Variants in TAFA1 observed in about 807,000 individuals in gnomAD.
TAFA1 encodes chemokine-like protein TAFA-1.
Under a neutral mutation model 18.5 loss-of-function variants are expected in TAFA1, and 4 were observed. The observed-to-expected ratio is 0.22, with a 90% CI of 0.11 to 0.49. The LOEUF is 0.49. Ranked by LOEUF, TAFA1 falls within the 20% of genes least tolerant of loss-of-function variation. The pLI, the probability that TAFA1 is intolerant of heterozygous loss-of-function variation, is 0.98. For missense variants in TAFA1, 147 were observed against 169.0 expected (o/e 0.87, Z 0.72); for synonymous variants, 56 against 55.2 (o/e 1.01, Z -0.06).
intron 2 of TAFA1, among the ~76,000 whole-genome samples, chr3:68,208,996 A>T (rs887025781): frequency 6.6e-6 from 1 of 151,952 alleles, no homozygotes; most frequent in Admixed American, 6.6e-5. Context: ...AACAACTGCC[A>T]TTTCATGGAT....
At chr3:68,394,001 A>G (rs531574275) in intron 2 of TAFA1, among the ~76,000 whole-genome samples, 1 of 152,094 alleles carries the variant, frequency 6.6e-6, no homozygotes, top group Non-Finnish European at 1.5e-5. Flanking sequence ...ATAGTATTGG[A>G]AGTTCTAGCC....
chr3:68,472,054 G>C (rs2072005655), intron 3 of TAFA1, among the ~76,000 whole-genome samples: 1 of 152,110 alleles, frequency 6.6e-6, no homozygotes, highest in African/African-American at 2.4e-5. Context: ...GATTGGTTTT[G>C]AAATGTGAGG....
At chr3:68,406,443 A>G (rs1037068528) in intron 2 of TAFA1, among the ~76,000 whole-genome samples, 1 of 152,132 alleles carries the variant, frequency 6.6e-6, no homozygotes, top group Non-Finnish European at 1.5e-5. Context: ...GCCTTATTTC[A>G]TTTCAATTCT....
intron 2 of TAFA1, among the ~76,000 whole-genome samples, chr3:68,253,345 C>T (rs1380834402): frequency 2.6e-5 from 4 of 152,162 alleles, no homozygotes; most frequent in African/African-American, 4.8e-5. Flanking sequence ...GTACTTTAAT[C>T]TTGCTTCCCA....
At chr3:68,052,131 A>G (rs913564238) in intron 2 of TAFA1, among the ~76,000 whole-genome samples, 4 of 152,112 alleles carry the variant, frequency 2.6e-5, no homozygotes, top group African/African-American at 4.8e-5. Context: ...GAATATCCCC[A>G]TTCAAAATGC....
At chr3:68,294,176 C>T (rs7647010) in intron 2 of TAFA1, among the ~76,000 whole-genome samples, 1 of 152,130 alleles carries the variant, frequency 6.6e-6, no homozygotes. Flanking sequence ...ATGCACAATT[C>T]TTCCATTGGT....
At chr3:68,079,934 A>T (rs889835765) in intron 2 of TAFA1, among the ~76,000 whole-genome samples, 8 of 151,610 alleles carry the variant, frequency 5.3e-5, no homozygotes, top group Non-Finnish European at 1.0e-4. Flanking sequence ...CCCATTATTA[A>T]TGTGTGGGAG....
chr3:68,474,702 T>C (rs1479331500), intron 3 of TAFA1, among the ~76,000 whole-genome samples: 2 of 152,146 alleles, frequency 1.3e-5, no homozygotes, highest in African/African-American at 4.8e-5. Flanking sequence ...TTCTATTACT[T>C]CTCATGGAAA....
intron 3 of TAFA1, among the ~76,000 whole-genome samples, chr3:68,488,487 C>A (rs372822544): frequency 6.6e-6 from 1 of 152,128 alleles, no homozygotes; most frequent in Non-Finnish European, 1.5e-5. Flanking sequence ...CAAGTTGACA[C>A]GCAATATTAA....
At chr3:68,482,013 T>A (rs2072246527) in intron 3 of TAFA1, among the ~76,000 whole-genome samples, 1 of 152,166 alleles carries the variant, frequency 6.6e-6, no homozygotes, top group Non-Finnish European at 1.5e-5. Context: ...ACTTTCTTTT[T>A]TTTGTTTTGT....
At chr3:68,287,653 C>A (rs2068032934) in intron 2 of TAFA1, among the ~76,000 whole-genome samples, 1 of 152,094 alleles carries the variant, frequency 6.6e-6, no homozygotes, top group South Asian at 2.1e-4. Flanking sequence ...CCTCCTGTTG[C>A]TTCCGTATGC....
chr3:68,316,257 T>A (rs148228929), intron 2 of TAFA1, among the ~76,000 whole-genome samples: 3 of 152,192 alleles, frequency 2.0e-5, no homozygotes, highest in African/African-American at 7.2e-5. Context: ...ACCCAGGGGG[T>A]GAGGAGGAGG....
At chr3:68,200,709 A>G (rs1468846245) in intron 2 of TAFA1, among the ~76,000 whole-genome samples, 1 of 151,648 alleles carries the variant, frequency 6.6e-6, no homozygotes, top group Non-Finnish European at 1.5e-5. Context: ...ATCATTTTTA[A>G]TATTAGTAGT....
chr3:68,310,693 A>G (rs957543653), intron 2 of TAFA1, among the ~76,000 whole-genome samples: 4 of 152,240 alleles, frequency 2.6e-5, no homozygotes, highest in African/African-American at 7.2e-5. Flanking sequence ...TCTATGATCA[A>G]TATAATCATG....
intron 2 of TAFA1, among the ~76,000 whole-genome samples, chr3:68,408,796 G>T (rs2070659380): frequency 1.3e-5 from 2 of 152,114 alleles, no homozygotes. Flanking sequence ...AATTCCAGTT[G>T]GGAGTCAGGC....
chr3:68,542,678 T>C (rs1466901568), intron 4 of TAFA1, among the ~76,000 whole-genome samples: 1 of 152,084 alleles, frequency 6.6e-6, no homozygotes, highest in Admixed American at 6.6e-5. Flanking sequence ...GAGATGATTT[T>C]GAGGGTTTTA....
At chr3:68,130,972 C>T (rs1575634624) in intron 2 of TAFA1, among the ~76,000 whole-genome samples, 1 of 152,084 alleles carries the variant, frequency 6.6e-6, no homozygotes, top group Non-Finnish European at 1.5e-5. Flanking sequence ...TGGTCTGCCT[C>T]CCCAGTGTCA....
intron 3 of TAFA1, among the ~76,000 whole-genome samples, chr3:68,424,045 T>TA (rs2106817097): frequency 6.6e-6 from 1 of 152,118 alleles, no homozygotes; most frequent in South Asian, 2.1e-4. Context: ...TTCACGGCAG[T>TA]GAAAACCCAA....
At chr3:68,124,291 G>C (rs141347699) in intron 2 of TAFA1, among the ~76,000 whole-genome samples, 1 of 152,274 alleles carries the variant, frequency 6.6e-6, no homozygotes, top group African/African-American at 2.4e-5. Context: ...ACTGTTCTTA[G>C]CAGTTGATGC....
Sources: allele counts gnomAD v4.1 joint callset (sites outside exome capture counted in the v4.1 genomes callset), GRCh38; gene constraint gnomAD v4.1.1; transcripts MANE v1.5; gene names NCBI Gene and HGNC (gene_info 2026-07-23, HGNC 2026-07-21).